STRBP: variants seen among roughly 807,000 people sequenced by gnomAD.
The protein encoded by STRBP is spermatid perinuclear RNA binding protein.
A neutral mutation model predicts 80.1 loss-of-function variants in STRBP; 13 were observed. The ratio of observed to expected loss-of-function variants is 0.16; its 90% CI spans 0.11 to 0.26. STRBP has a LOEUF of 0.26. Among genes scored for constraint, STRBP ranks in the 10% least tolerant of loss-of-function variants. STRBP has a pLI of 1.00. For missense variants in STRBP, 485 were observed against 815.2 expected (o/e 0.59, Z 4.93); for synonymous variants, 284 against 291.2 (o/e 0.98, Z 0.25).
At chr9:123,224,264 T>C (rs1380944429) in intron 2 of STRBP, among the ~76,000 whole-genome samples, 1 of 152,180 alleles carries the variant, frequency 6.6e-6, no homozygotes, top group African/African-American at 2.4e-5. Flanking sequence ...CAAATCTTTT[T>C]TGTAACTATT....
chr9:123,111,323 A>T (rs2035562851), intron 3 of STRBP: 2 of 258,160 alleles, frequency 7.7e-6, no homozygotes. Context: ...GAAACCTAAG[A>T]CACGACTTGT....
downstream of STRBP, among the ~76,000 whole-genome samples, chr9:123,118,176 G>A (rs1588434562): frequency 6.6e-6 from 1 of 152,162 alleles, no homozygotes; most frequent in East Asian, 1.9e-4. Flanking sequence ...TGTAAACTAA[G>A]GATACTACTA....
At chr9:123,242,286 T>C (rs975036235) in intron 1 of STRBP, among the ~76,000 whole-genome samples, 4 of 152,228 alleles carry the variant, frequency 2.6e-5, no homozygotes, top group Non-Finnish European at 5.9e-5. Context: ...ATTAGGGACC[T>C]TTACCACTGT....
chr9:123,157,817 G>A (rs188601322), intron 11 of STRBP, among the ~76,000 whole-genome samples, 195 bp downstream of exon 11: 12 of 151,968 alleles, frequency 7.9e-5, no homozygotes, highest in Admixed American at 7.9e-4. Context: ...ACAACACCTA[G>A]GGATTACGGG....
chr9:123,256,788 T>C (rs1310759498), intron 1 of STRBP, among the ~76,000 whole-genome samples: 1 of 151,578 alleles, frequency 6.6e-6, no homozygotes, highest in Non-Finnish European at 1.5e-5. Context: ...CCAATTAACC[T>C]AAACTGCGCA....
intron 2 of STRBP, among the ~76,000 whole-genome samples, chr9:123,208,335 G>A (rs2039593796): frequency 6.6e-6 from 1 of 152,156 alleles, no homozygotes; most frequent in East Asian, 1.9e-4. Flanking sequence ...AGCCCAGGAT[G>A]TTTCCCAAGT....
At chr9:123,189,416 C>CT (rs1313619305) in intron 2 of STRBP, among the ~76,000 whole-genome samples, 1 of 150,292 alleles carries the variant, frequency 6.7e-6, no homozygotes, top group Non-Finnish European at 1.5e-5. Context: ...ACATATGTAA[C>CT]TAACCTGCAC....
chr9:123,185,024 G>A (rs1323500623), intron 2 of STRBP, among the ~76,000 whole-genome samples: 1 of 151,070 alleles, frequency 6.6e-6, no homozygotes, highest in African/African-American at 2.4e-5. Context: ...TCCAGACATA[G>A]TAAAAGTAAA....
chr9:123,265,882 G>A (rs1344402168), intron 1 of STRBP, among the ~76,000 whole-genome samples: 2 of 152,224 alleles, frequency 1.3e-5, no homozygotes, highest in South Asian at 2.1e-4. Context: ...TTCACGCCTT[G>A]AAAGAGTGTT....
Position 123,124,059 on chromosome 9 carries a change from T to C in STRBP, c.*1538A>G, listed in dbSNP as rs1325485023. The C allele has an allele frequency of 2.0e-6, 2 of 985,308 alleles. No individual in the cohort carries two copies. The highest frequency in any genetic ancestry group is 1.2e-4 in the Admixed American group (2 of 16,260). The allele number at this position is 985,308 out of a possible 1,614,324, so 61.0% of individuals were successfully genotyped here. A position where few individuals can be genotyped will look rare whatever the true frequency, so the allele number is the denominator to read the frequency against. On this transcript the variant is annotated 3_prime_UTR_variant, in exon 19 of 19. Transcript: ENST00000348403. ...GAAACAAACTAATCATTGTGTAATA[T>C]ATATCTGAGAAGTGACACTAACATT... is the stretch of plus-strand genomic sequence containing the variant.
rs992804700 is a variant in STRBP, at chr9:123,128,638, T to C, written c.1898-380A>G. Among the ~76,000 whole-genome samples the C allele has an allele frequency of 2.6e-5, 4 of 152,348 alleles. No individual in the cohort carries two copies. The East Asian group carries it at 5.8e-4, about 22-fold the overall frequency. ...AACCTAGCAGAATGTATGATATATA[T>C]AGTAGCCACTCTCTAAATATAATTT... On this transcript the variant is annotated intron_variant, in intron 17 of 18. Coordinates refer to ENST00000348403, the MANE Select transcript of STRBP (RefSeq NM_018387.5).
intron 1 of STRBP, among the ~76,000 whole-genome samples, chr9:123,255,725 T>C (rs1360843146): frequency 1.3e-5 from 2 of 152,210 alleles, no homozygotes; most frequent in African/African-American, 2.4e-5. Flanking sequence ...GAGTTAGCTA[T>C]ATCAAAATGA....
At chr9:123,209,471 A>G (rs1482010608) in intron 2 of STRBP, among the ~76,000 whole-genome samples, 2 of 152,232 alleles carry the variant, frequency 1.3e-5, no homozygotes, top group African/African-American at 4.8e-5. Context: ...AAAAATGTAA[A>G]AGCATTTGAT....
chr9:123,164,596 G>A (rs375911663), intron 6 of STRBP, among the ~76,000 whole-genome samples: 2 of 151,904 alleles, frequency 1.3e-5, no homozygotes, highest in African/African-American at 4.8e-5. Flanking sequence ...AGATGGGGCT[G>A]GCAAAAAAAC....
chr9:123,267,538 C>CA (rs1373672484), intron 1 of STRBP, among the ~76,000 whole-genome samples: 1 of 151,874 alleles, frequency 6.6e-6, no homozygotes, highest in East Asian at 1.9e-4. Flanking sequence ...CACCTGGCCA[C>CA]ACACTCCCTC....
rs1257658134 is a variant in STRBP, at chr9:123,124,270, TA to T, written c.*1326del. On this transcript the variant is annotated 3_prime_UTR_variant, in exon 19 of 19. Coordinates refer to ENST00000348403, the MANE Select transcript of STRBP (RefSeq NM_018387.5). Reference sequence around the variant, plus strand: ...GACATTTTTAAGACATGGTGCCTTATAAATATTGACAGGGGACCACACTGCT... The same window carrying T: ...GACATTTTTAAGACATGGTGCCTTATAATATTGACAGGGGACCACACTGCT... 3.7e-5 allele frequency: 36 copies of T among 985,326 alleles called. No homozygotes were observed. The Admixed American group carries it at 1.2e-3, about 32-fold the overall frequency. 61.0% of individuals were successfully genotyped at this position (985,326 alleles called of 1,614,324 possible).
intron 2 of STRBP, among the ~76,000 whole-genome samples, chr9:123,199,602 G>A (rs1249988625): frequency 6.6e-6 from 1 of 152,064 alleles, no homozygotes; most frequent in Non-Finnish European, 1.5e-5. Flanking sequence ...TCACCTCCTT[G>A]GTTAGGTATA....
At chr9:123,149,409 C>T (rs2036960484) in intron 11 of STRBP, among the ~76,000 whole-genome samples, 1 of 152,228 alleles carries the variant, frequency 6.6e-6, no homozygotes, top group Non-Finnish European at 1.5e-5. Flanking sequence ...TATTCAATCA[C>T]TCTTCTGCTC....
At chr9:123,137,809 A>C (rs2036425564) in intron 14 of STRBP, among the ~76,000 whole-genome samples, 1 of 152,218 alleles carries the variant, frequency 6.6e-6, no homozygotes, top group African/African-American at 2.4e-5. Flanking sequence ...TCAGACGTGA[A>C]ACATCAAAGG....
Sources: allele counts gnomAD v4.1 joint callset (sites outside exome capture counted in the v4.1 genomes callset), GRCh38; gene constraint gnomAD v4.1.1; transcripts MANE v1.5; gene names NCBI Gene and HGNC (gene_info 2026-07-23, HGNC 2026-07-21).